The following RGS3 variants were observed in gnomAD, a reference collection of about 807,000 sequenced individuals.
RGS3 encodes regulator of G-protein signalling 3.
Under a neutral mutation model 132.6 loss-of-function variants are expected in RGS3, and 80 were observed. The observed-to-expected ratio is 0.60, with a 90% CI of 0.50 to 0.73. RGS3 has a LOEUF of 0.73. Ranked by LOEUF, RGS3 falls within the 30% of genes least tolerant of loss-of-function variation. The probability of loss-of-function intolerance (pLI) is 0.00; values close to 1 mark genes in which losing one functional copy is unlikely to be tolerated. For synonymous variants in RGS3, 598 were observed against 620.6 expected, an observed-to-expected ratio of 0.96 and a Z score of 0.54; for missense variants, 1,382 against 1,530.8, an observed-to-expected ratio of 0.90 and a Z score of 1.62.
chr9:113,468,499 G>A (rs758446024), intron 3 of RGS3, among the ~76,000 whole-genome samples: 1 of 151,982 alleles, frequency 6.6e-6, no homozygotes. Context: ...CTCCAATTTT[G>A]TTCTTCTCTT....
exon 25 of RGS3, chr9:113,597,035 G>C: frequency 7.8e-7 from 1 of 1,275,330 alleles, no homozygotes; most frequent in Non-Finnish European, 1.1e-6. Flanking sequence ...CTGTGACGGA[G>C]GGGGCAAGCA....
chr9:113,548,213 G>A (rs531991136), intron 19 of RGS3, among the ~76,000 whole-genome samples: 14 of 152,214 alleles, frequency 9.2e-5, no homozygotes, highest in Non-Finnish European at 1.9e-4. Flanking sequence ...ATGTAGTCGG[G>A]GACTTCTGAA....
At chr9:113,594,330 G>C (rs760208262) in intron 21 of RGS3, 100 bp from the exon 20 acceptor site, 1 of 1,592,512 alleles carries the variant, frequency 6.3e-7, no homozygotes, top group South Asian at 1.1e-5. Context: ...GGCGACACAC[G>C]ATGAAGGAGT....
chr9:113,512,959 G>C (rs998997780), intron 14 of RGS3, among the ~76,000 whole-genome samples: 1 of 152,234 alleles, frequency 6.6e-6, no homozygotes, highest in African/African-American at 2.4e-5. Context: ...CACTTTGGGA[G>C]GCTGAGGCGG....
intron 20 of RGS3, among the ~76,000 whole-genome samples, chr9:113,588,490 C>A (rs1835239802): frequency 6.6e-6 from 1 of 152,174 alleles, no homozygotes; most frequent in Non-Finnish European, 1.5e-5. Flanking sequence ...CTAGTGGGCT[C>A]TGGACCCAGA....
At chr9:113,484,277 G>C in intron 6 of RGS3, 45 bp downstream of exon 4, 1 of 822,258 alleles carries the variant, frequency 1.2e-6, no homozygotes, top group South Asian at 1.4e-5. Flanking sequence ...GAGGGAAGGA[G>C]TGTTTATCTG....
At chr9:113,541,192 C>CACT in intron 19 of RGS3, 1 of 914,740 alleles carries the variant, frequency 1.1e-6, no homozygotes, top group Non-Finnish European at 1.7e-6. Flanking sequence ...CCACTGGGGC[C>CACT]ACTAGAGACA....
At chr9:113,484,267 G>C (rs1332933980) in intron 6 of RGS3, 35 bp downstream of exon 4, 1 of 1,101,860 alleles carries the variant, frequency 9.1e-7, no homozygotes, top group Non-Finnish European at 1.3e-6. Context: ...CTAGAAAGGA[G>C]AGGGAAGGAG....
intron 1 of RGS3, chr9:113,444,941 A>T (rs916352478): frequency 1.3e-5 from 2 of 152,242 alleles, no homozygotes. Context: ...ACTGCTGCTA[A>T]CTGCCATTTC....
chr9:113,523,134 C>A, intron 17 of RGS3, 93 bp downstream of exon 15: 1 of 809,280 alleles, frequency 1.2e-6, no homozygotes, highest in Non-Finnish European at 2.1e-6. Flanking sequence ...GCCAGTCATC[C>A]GTAGGGCACT....
chr9:113,595,501 C>A, intron 23 of RGS3, 98 bp from the exon 22 acceptor site: 1 of 1,354,854 alleles, frequency 7.4e-7, no homozygotes, highest in Non-Finnish European at 1.0e-6. Context: ...CAGCTCCCAG[C>A]ACGCCCATCT....
intron 19 of RGS3, among the ~76,000 whole-genome samples, chr9:113,543,428 C>T (rs996902572): frequency 7.2e-5 from 11 of 152,200 alleles, no homozygotes; most frequent in African/African-American, 2.7e-4. Context: ...TGCCCGTGAC[C>T]AGACCAATGC....
intron 10 of RGS3, among the ~76,000 whole-genome samples, chr9:113,503,654 TG>T (rs370282354): frequency 4.2e-4 from 64 of 152,122 alleles, no homozygotes; most frequent in African/African-American, 1.5e-3. Context: ...GAGCCCAGGG[TG>T]CTGGGATGGG....
At chr9:113,561,609 A>C (rs1320085917) in intron 19 of RGS3, among the ~76,000 whole-genome samples, 1 of 142,198 alleles carries the variant, frequency 7.0e-6, no homozygotes, top group East Asian at 2.0e-4. Context: ...TTTTGTAGAG[A>C]TGGAGTCTTC....
At chr9:113,546,982 A>C (rs192279124) in intron 19 of RGS3, among the ~76,000 whole-genome samples, 23 of 152,316 alleles carry the variant, frequency 1.5e-4, no homozygotes, top group Admixed American at 1.4e-3. Context: ...TTGAATTCAG[A>C]TGGTCTCCAG....
intron 17 of RGS3, among the ~76,000 whole-genome samples, chr9:113,527,773 A>G (rs1324229699): frequency 1.3e-5 from 2 of 152,074 alleles, no homozygotes. Flanking sequence ...CACAGTCTCT[A>G]TTTTTATCTT....
intron 19 of RGS3, among the ~76,000 whole-genome samples, chr9:113,573,971 C>G (rs1161521187): frequency 6.6e-6 from 1 of 152,342 alleles, no homozygotes; most frequent in Middle Eastern, 3.4e-3. Flanking sequence ...CTTCCACTGA[C>G]TTGCTTTTTG....
At chr9:113,483,603 T>G (rs1830233327) in intron 5 of RGS3, among the ~76,000 whole-genome samples, 1 of 152,176 alleles carries the variant, frequency 6.6e-6, no homozygotes. Flanking sequence ...GCCAGGAGCT[T>G]CCTAAAGTGT....
At chr9:113,590,695 G>A (rs1347401654) in intron 20 of RGS3, among the ~76,000 whole-genome samples, 1 of 152,100 alleles carries the variant, frequency 6.6e-6, no homozygotes, top group East Asian at 1.9e-4. Context: ...AGTTGAGGAG[G>A]TTGCTGAAGT....
Sources: gnomAD v4.1 joint callset for allele counts (sites outside exome capture counted in the v4.1 genomes callset) on GRCh38, gnomAD v4.1.1 for gene constraint, MANE v1.5 for transcripts, NCBI Gene and HGNC (gene_info 2026-07-23, HGNC 2026-07-21) for gene names.